The following AFF3 variants were observed in gnomAD, a reference collection of about 807,000 sequenced individuals.
AFF3 encodes the protein AF4/FMR2 family member 3.
A neutral mutation model predicts 129.7 loss-of-function variants in AFF3; 32 were observed. The observed-to-expected ratio is 0.25, with a 90% CI of 0.19 to 0.33. AFF3 has a LOEUF of 0.33. Among genes scored for constraint, AFF3 ranks in the 10% least tolerant of loss-of-function variants. The pLI, the probability that AFF3 is intolerant of heterozygous loss-of-function variation, is 1.00. For missense variants in AFF3, 1,373 were observed against 1,592.0 expected (o/e 0.86, Z 2.34); for synonymous variants, 644 against 635.4 (o/e 1.01, Z -0.20).
intron 7 of AFF3, among the ~76,000 whole-genome samples, chr2:99,864,038 C>T (rs1486382822): frequency 6.6e-6 from 1 of 152,168 alleles, no homozygotes; most frequent in Non-Finnish European, 1.5e-5. Context: ...TCCATCGTTG[C>T]CACAGAGTCC....
chr2:99,900,697 C>T (rs1694282990), intron 7 of AFF3, among the ~76,000 whole-genome samples: 1 of 152,130 alleles, frequency 6.6e-6, no homozygotes, highest in East Asian at 1.9e-4. Context: ...GTCTGGGTGG[C>T]CAGACCAGGC....
chr2:99,891,674 T>A (rs554513568), intron 7 of AFF3, among the ~76,000 whole-genome samples: 1 of 152,296 alleles, frequency 6.6e-6, no homozygotes, highest in Admixed American at 6.5e-5. Flanking sequence ...ATAACCTCAC[T>A]GTGCGAGGCG....
intron 10 of AFF3, among the ~76,000 whole-genome samples, chr2:99,741,165 G>T (rs1316126464): frequency 6.6e-6 from 1 of 152,206 alleles, no homozygotes; most frequent in African/African-American, 2.4e-5. Context: ...GCACAAGACA[G>T]GGATGCCCTC....
intron 7 of AFF3, among the ~76,000 whole-genome samples, chr2:100,003,823 G>A (rs1292590561): frequency 2.0e-5 from 3 of 152,046 alleles, no homozygotes; most frequent in Non-Finnish European, 4.4e-5. Flanking sequence ...CTACTACAAG[G>A]GTGATGAAGG....
chr2:100,064,536 A>G (rs1687564231), intron 4 of AFF3, among the ~76,000 whole-genome samples: 2 of 152,246 alleles, frequency 1.3e-5, no homozygotes, highest in African/African-American at 2.4e-5. Context: ...TCAACTTAAC[A>G]CAACTGTCCA....
chr2:99,626,831 T>TA (rs1682633338), intron 13 of AFF3, among the ~76,000 whole-genome samples: 1 of 152,178 alleles, frequency 6.6e-6, no homozygotes, highest in African/African-American at 2.4e-5. Flanking sequence ...ATACTGTAGT[T>TA]AGTTTCCTTT....
chr2:99,618,224 C>CTTTTTTTTTTTTT lies in AFF3; in HGVS notation c.1185-16616_1185-16604dup, dbSNP rs70940180. ...TAGATGAGAAAATGCTCATAACATT[C>CTTTTTTTTTTTTT]TTTTTTTTTTTTTTTTTTTTTTTTT... is the stretch of plus-strand genomic sequence containing the variant. On this transcript the variant is annotated intron_variant, in intron 13 of 24. Coordinates refer to ENST00000672756, the MANE Select transcript of AFF3 (RefSeq NM_001386135.1). Among the ~76,000 whole-genome samples the CTTTTTTTTTTTTT allele has an allele frequency of 3.0e-4, 24 of 80,078 alleles. 7 individuals are homozygous for CTTTTTTTTTTTTT. Among genetic ancestry groups the CTTTTTTTTTTTTT allele is most frequent in the African/African-American group, 1.3e-3 (23 of 17,688 alleles). 52.5% of individuals were successfully genotyped at this position (80,078 alleles called of 152,430 possible).
At chr2:100,112,159 G>A (rs1234752972) in intron 2 of AFF3, among the ~76,000 whole-genome samples, 1 of 152,184 alleles carries the variant, frequency 6.6e-6, no homozygotes, top group Non-Finnish European at 1.5e-5. Flanking sequence ...AAGTGAAAGA[G>A]CAAAGAAAGA....
intron 10 of AFF3, among the ~76,000 whole-genome samples, chr2:99,738,894 G>A (rs868649441): frequency 6.6e-6 from 1 of 151,948 alleles, no homozygotes; most frequent in African/African-American, 2.4e-5. Flanking sequence ...TTTCCCTTGA[G>A]AAATAGTTGA....
chr2:100,106,545 A>G (rs936838266), intron 2 of AFF3: 6 of 996,448 alleles, frequency 6.0e-6, no homozygotes, highest in Admixed American at 5.5e-5. Flanking sequence ...CAGCATTCCC[A>G]GGAACAAAGG....
intron 13 of AFF3, among the ~76,000 whole-genome samples, chr2:99,631,433 C>T (rs1367957875): frequency 2.0e-5 from 3 of 152,236 alleles, no homozygotes; most frequent in Non-Finnish European, 4.4e-5. Flanking sequence ...GTACAACCAT[C>T]ACCAACACCC....
intron 8 of AFF3, among the ~76,000 whole-genome samples, chr2:99,806,341 C>T (rs558370443): frequency 1.5e-4 from 23 of 152,238 alleles, no homozygotes; most frequent in African/African-American, 4.6e-4. Context: ...CAACACAGAG[C>T]GGAAAATAGC....
At position 100,021,539 on chromosome 2, in the gene AFF3, G is replaced by T. The variant is rs1212804167; in HGVS notation, c.54-12607C>A. 2.0e-5 allele frequency among the ~76,000 whole-genome samples: 3 copies of T among 152,132 alleles called. No individual in the cohort carries two copies. In the East Asian group the frequency reaches 5.8e-4, roughly 29 times the overall value. ...ATTTTATTTATGGTTATAGAATTTAGTAATAGTGGGAATCATAATAACAGT... is the reference window on the plus strand; with the variant it reads ...ATTTTATTTATGGTTATAGAATTTATTAATAGTGGGAATCATAATAACAGT... On this transcript the variant is annotated intron_variant, in intron 4 of 24. Coordinates refer to ENST00000672756, the MANE Select transcript of AFF3 (RefSeq NM_001386135.1).
intron 13 of AFF3, among the ~76,000 whole-genome samples, chr2:99,620,853 TCCTCCTCTTCTCCCTCTTCTTGTC>T (rs1681931728): frequency 2.0e-5 from 3 of 152,128 alleles, no homozygotes. Context: ...GCCTGGTACC[TCCTCCTCTTCTCCCTCTTCTTGTC>T]ATGTGACACA....
chr2:99,592,939 C>CG (rs1411415405), intron 15 of AFF3, among the ~76,000 whole-genome samples: 29 of 94,450 alleles, frequency 3.1e-4, no homozygotes, highest in East Asian at 9.3e-4. Context: ...CCCTCCCCCC[C>CG]CCCCAAAAAA....
rs138353584 is a variant in AFF3 at position 99,648,934 on chromosome 2, C to CTCTCTT, written c.1184+691_1184+692insAAGAGA. ...ACACACACACTCTCTCTCTCTCTCTCTCTCCAATCTTAGTAAGTGAAAAAA... is the reference window on the plus strand; with the variant it reads ...ACACACACACTCTCTCTCTCTCTCTCTCTCTTTCTCCAATCTTAGTAAGTGAAAAAA... On this transcript the variant is annotated intron_variant, in intron 13 of 24. Coordinates refer to ENST00000672756, the MANE Select transcript of AFF3 (RefSeq NM_001386135.1). Among the ~76,000 whole-genome samples, 9 of 119,406 alleles carry CTCTCTT rather than the reference C, an allele frequency of 7.5e-5. 1 individual carries two copies. Among genetic ancestry groups the CTCTCTT allele is most frequent in the East Asian group, 2.8e-4 (1 of 3,610 alleles). The allele number at this position is 119,406 out of a possible 152,430, so 78.3% of individuals were successfully genotyped here.
intron 7 of AFF3, among the ~76,000 whole-genome samples, chr2:99,924,595 G>A (rs1479314991): frequency 6.6e-6 from 1 of 152,192 alleles, no homozygotes; most frequent in Non-Finnish European, 1.5e-5. Flanking sequence ...CTGGAGTAGG[G>A]AAGAGGGCTG....
In AFF3 at chr2:99,547,013, A is replaced by G; in HGVS notation, c.*4461T>C. 1 of 219,162 alleles carries G rather than the reference A, an allele frequency of 4.6e-6. No homozygotes were observed. The allele number at this position is 219,162 out of a possible 1,614,324, so 13.6% of individuals were successfully genotyped here. On this transcript the variant is annotated 3_prime_UTR_variant, in exon 25 of 25. Coordinates refer to ENST00000672756, the MANE Select transcript of AFF3 (RefSeq NM_001386135.1). ...GTATCAGGAAATAGCAAAGACAAAT[A>G]GTAAACTATAGTTATAATGAAGAAA...
At chr2:100,103,672 G>A (rs1690939507) in intron 4 of AFF3, among the ~76,000 whole-genome samples, 1 of 152,054 alleles carries the variant, frequency 6.6e-6, no homozygotes, top group Non-Finnish European at 1.5e-5. Flanking sequence ...GGAACCTGGA[G>A]TGCCCCCCGG....
Sources: allele counts gnomAD v4.1 joint callset (sites outside exome capture counted in the v4.1 genomes callset), GRCh38; gene constraint gnomAD v4.1.1; transcripts MANE v1.5; gene names NCBI Gene and HGNC (gene_info 2026-07-23, HGNC 2026-07-21).